Variants in USP8 observed in about 807,000 individuals in gnomAD.
The protein encoded by USP8 is ubiquitin carboxyl-terminal hydrolase 8.
Under a neutral mutation model 130.0 loss-of-function variants are expected in USP8, and 27 were observed. That is an observed-to-expected ratio of 0.21 (90% CI 0.15 to 0.29). USP8 has a LOEUF of 0.29. Among genes scored for constraint, USP8 ranks in the 10% least tolerant of loss-of-function variants. The probability of loss-of-function intolerance (pLI) is 1.00; values close to 1 mark genes in which losing one functional copy is unlikely to be tolerated. For missense variants in USP8, 1,029 were observed against 1,312.2 expected, an observed-to-expected ratio of 0.78 and a Z score of 3.33; for synonymous variants, 392 against 444.1, an observed-to-expected ratio of 0.88 and a Z score of 1.48.
intron 3 of USP8, among the ~76,000 whole-genome samples, chr15:50,443,644 C>T (rs1472757865): frequency 1.3e-5 from 2 of 151,716 alleles, no homozygotes; most frequent in Admixed American, 6.6e-5. Context: ...CCACCACGTC[C>T]AGCTAATTTT....
intron 1 of USP8, among the ~76,000 whole-genome samples, chr15:50,430,378 T>C (rs1462645558): frequency 1.3e-5 from 2 of 152,030 alleles, no homozygotes; most frequent in Non-Finnish European, 2.9e-5. Context: ...TAGTTTATTC[T>C]TTTCTTTTCT....
Position 50,471,023 on chromosome 15 carries a change from C to T in USP8, c.687-610C>T, listed in dbSNP as rs553972654. Among the ~76,000 whole-genome samples, 7 of 152,306 alleles carry T rather than the reference C, an allele frequency of 4.6e-5. No individual in the cohort carries two copies. In the East Asian group the frequency reaches 1.4e-3, roughly 29 times the overall value. On this transcript the variant is annotated intron_variant, in intron 7 of 19. Transcript: ENST00000307179. ...AAGAACATGTACATGAGCCAGATTG[C>T]CTGAATTTTAATTCTGGCTCCACTT...
chr15:50,462,967 G>A (rs2051059876), intron 6 of USP8, among the ~76,000 whole-genome samples: 1 of 151,938 alleles, frequency 6.6e-6, no homozygotes, highest in Non-Finnish European at 1.5e-5. Flanking sequence ...AAAAATCGAG[G>A]CCAGGCGCAG....
rs957021358 is a variant in USP8 at position 50,495,936 on chromosome 15, A to G, written c.2747A>G (p.Gln916Arg). 6.2e-7 allele frequency: 1 copy of G among 1,613,910 alleles called. No individual in the cohort carries two copies. ...AAEHAWQKHKQLNESIIVALF... is the reference protein window; with the variant it reads ...AAEHAWQKHKRLNESIIVALF... Reference sequence around the variant, plus strand: ...GAACATGCCTGGCAGAAACACAAGCAGCTCAATGAGTCTATTATTGTTGCA... The same window carrying G: ...GAACATGCCTGGCAGAAACACAAGCGGCTCAATGAGTCTATTATTGTTGCA... Residue 916 changes from glutamine (Q) to arginine (R), a missense_variant, in exon 17 of 20, where the codon CAG becomes CGG. Coordinates refer to ENST00000307179, the MANE Select transcript of USP8 (RefSeq NM_005154.5).
Position 50,497,229 on chromosome 15 carries a change from A to T in USP8, c.3036A>T (p.Lys1012Asn). 1.9e-6 allele frequency: 3 copies of T among 1,600,052 alleles called. No homozygotes were observed. Among genetic ancestry groups the T allele is most frequent in the Non-Finnish European group, 2.6e-6 (3 of 1,176,160 alleles). ...KLPPVLLVHLKRFSYDGRWKQ... is the reference protein window; with the variant it reads ...KLPPVLLVHLNRFSYDGRWKQ... ...CACCTGTGCTTTTAGTGCATCTGAA[A>T]CGGTAAAGGGGAAAGTTTGTCCTCC... Residue 1012 changes from lysine to asparagine, a missense_variant and splice_region_variant, in exon 18 of 20, where the codon AAA becomes AAT. By Grantham distance (94) the Lys-to-Asn change is moderately conservative. This residue lies in a region of USP8 where 257 missense variants were observed against 429.8 expected (regional missense o/e 0.60). Transcript: ENST00000307179.
intron 8 of USP8, among the ~76,000 whole-genome samples, chr15:50,473,852 C>T (rs1458966203): frequency 4.6e-5 from 7 of 150,688 alleles, no homozygotes; most frequent in East Asian, 1.9e-4. Flanking sequence ...TTATTTATTT[C>T]GAGATGGAGT....
At chr15:50,475,464 A>G (rs544979063) in intron 8 of USP8, among the ~76,000 whole-genome samples, 1 of 152,284 alleles carries the variant, frequency 6.6e-6, no homozygotes, top group South Asian at 2.1e-4. Flanking sequence ...ATAAATTGGT[A>G]TAGCCTTTCT....
At chr15:50,465,291 G>A in intron 7 of USP8, 100 bp downstream of exon 7, 1 of 1,092,600 alleles carries the variant, frequency 9.2e-7, no homozygotes, top group Admixed American at 3.3e-5. Context: ...ATGTGATAAA[G>A]TAGTCTTTTC....
In USP8 at chr15:50,500,804, T is replaced by C; in HGVS notation, c.*1716T>C. Reference sequence around the variant, plus strand: ...GTGACTGAATTCTTGCAGAAAGCAGTGTAGTGGCCACCATCCAAATCACCA... The same window carrying C: ...GTGACTGAATTCTTGCAGAAAGCAGCGTAGTGGCCACCATCCAAATCACCA... On this transcript the variant is annotated 3_prime_UTR_variant, in exon 20 of 20. Coordinates refer to ENST00000307179, the MANE Select transcript of USP8 (RefSeq NM_005154.5). The C allele has an allele frequency of 6.3e-7, 1 of 1,590,110 alleles. No individual in the cohort carries two copies. Among genetic ancestry groups the C allele is most frequent in the African/African-American group, 1.3e-5 (1 of 74,696 alleles).
At chr15:50,444,976 T>G (rs2050377888) in intron 3 of USP8, among the ~76,000 whole-genome samples, 1 of 152,086 alleles carries the variant, frequency 6.6e-6, no homozygotes, top group African/African-American at 2.4e-5. Context: ...CAGGTTAGTC[T>G]TGAACTCCTG....
At chr15:50,492,987 T>A in intron 15 of USP8, 74 bp downstream of exon 15, 1 of 1,391,124 alleles carries the variant, frequency 7.2e-7, no homozygotes, top group Non-Finnish European at 1.0e-6. Context: ...CTTAGTCCAT[T>A]AGTTTTCTGC....
chr15:50,497,492 G>T (rs2052461737), intron 18 of USP8: 1 of 296,382 alleles, frequency 3.4e-6, no homozygotes, highest in Non-Finnish European at 6.1e-6. Context: ...AAGTGAAAAT[G>T]TATAAAAATA....
At chr15:50,446,650 G>C (rs2050450013) in intron 3 of USP8, among the ~76,000 whole-genome samples, 1 of 152,174 alleles carries the variant, frequency 6.6e-6, no homozygotes, top group Non-Finnish European at 1.5e-5. Flanking sequence ...TGAACAAACT[G>C]TACACTTTTA....
Position 50,481,561 on chromosome 15 carries a change from A to G in USP8, c.1299A>G (p.Gln433=), listed in dbSNP as rs373025012. 5.3e-5 allele frequency: 85 copies of G among 1,613,448 alleles called. 1 individual carries two copies. In the East Asian group the frequency reaches 5.8e-4, roughly 11 times the overall value. The change falls in exon 11 of 20, where the codon CAA becomes CAG. Residue 433 remains glutamine, a synonymous_variant. Transcript: ENST00000307179. ...CTGAAAGTACAAACCATGAGCAACA[A>G]TCTCCTCAGAGTGGAAAAGTTATTC... is the stretch of plus-strand genomic sequence containing the variant. The part of the protein sequence containing the change: ...IKSESTNHEQ[Q]SPQSGKVIPD...
rs961334311 is a variant in USP8 at position 50,511,305 on chromosome 15, C to A, written c.*12217C>A. The A allele has an allele frequency of 1.3e-5, 2 of 152,104 alleles. No individual in the cohort carries two copies. The highest frequency in any genetic ancestry group is 6.6e-5 in the Admixed American group (1 of 15,260). The allele number at this position is 152,104 out of a possible 1,614,324, so 9.4% of individuals were successfully genotyped here. A position where few individuals can be genotyped will look rare whatever the true frequency, so the allele number is the denominator to read the frequency against. On this transcript the variant is annotated 3_prime_UTR_variant, in exon 20 of 20. Transcript: ENST00000307179. ...GGTTGAGGATGTGGGGAAACTGGAA[C>A]CTTAGTTCCAGTTGCTGGTGGGAAC...
At position 50,500,671 on chromosome 15, in the gene USP8, G is replaced by T; in HGVS notation, c.*1583G>T. On this transcript the variant is annotated 3_prime_UTR_variant, in exon 20 of 20. Transcript: ENST00000307179. ...TCCTGGCTCTTAACGCTTTTGTATT[G>T]GTATGGAAAAGGGCTGGCAGCTATA... 1.7e-6 allele frequency: 2 copies of T among 1,174,442 alleles called. No individual in the cohort carries two copies. Among genetic ancestry groups the T allele is most frequent in the Non-Finnish European group, 1.2e-6 (1 of 809,474 alleles). 72.8% of individuals were successfully genotyped at this position (1,174,442 alleles called of 1,614,324 possible).
Position 50,476,861 on chromosome 15 carries a change from A to G in USP8, c.862A>G (p.Thr288Ala). The G allele has an allele frequency of 6.4e-7, 1 of 1,566,796 alleles. No homozygotes were observed. Among genetic ancestry groups the G allele is most frequent in the Non-Finnish European group, 8.6e-7 (1 of 1,166,986 alleles). ...KDALFKWESK[T>A]VLRNEPLVLE... ...TCCTTATTTATAGTGGGAAAGTAAA[A>G]CTGTCCTGCGCAATGAGCCTTTGGT... is the stretch of plus-strand genomic sequence containing the variant. The change falls in exon 9 of 20, where the codon ACT becomes GCT. Residue 288 changes from threonine to alanine, a missense_variant. Around this residue, in one of 4 missense-constraint regions of USP8, gnomAD observed 281 missense variants for 336.7 expected, o/e 0.83. Transcript: ENST00000307179.
chr15:50,461,456 CAAAAA>C (rs71124356), intron 5 of USP8, among the ~76,000 whole-genome samples: 3 of 108,648 alleles, frequency 2.8e-5, no homozygotes, highest in Admixed American at 2.0e-4. Context: ...ACCCTATCTC[CAAAAA>C]AAAAAAAAAA....
intron 16 of USP8, 100 bp downstream of exon 16, chr15:50,494,380 G>C: frequency 1.0e-6 from 1 of 997,578 alleles, no homozygotes; most frequent in Non-Finnish European, 1.5e-6. Context: ...TGATAGTTCA[G>C]TGCTTGTTTA....
Sources: gnomAD v4.1 joint callset for allele counts (sites outside exome capture counted in the v4.1 genomes callset) on GRCh38, gnomAD v4.1.1 for gene constraint, gnomAD v4.1.1 regional missense constraint, MANE v1.5 for transcripts, NCBI Gene and HGNC (gene_info 2026-07-23, HGNC 2026-07-21) for gene names.